BMPR1B: variants seen among roughly 807,000 people sequenced by gnomAD.
BMPR1B encodes the protein bone morphogenetic protein receptor type 1B, also known as bone morphogenetic protein receptor type-1B.
BMPR1B carries 12 observed loss-of-function variants against 59.1 expected under a neutral mutation model. The ratio of observed to expected loss-of-function variants is 0.20; its 90% CI spans 0.13 to 0.33. The LOEUF is 0.33. Ranked by LOEUF, BMPR1B falls within the 10% of genes least tolerant of loss-of-function variation. BMPR1B has a pLI of 1.00. For synonymous variants in BMPR1B, 237 were observed against 207.3 expected, an observed-to-expected ratio of 1.14 and a Z score of -1.23; for missense variants, 550 against 610.9, an observed-to-expected ratio of 0.90 and a Z score of 1.05.
intron 2 of BMPR1B, among the ~76,000 whole-genome samples, chr4:94,884,421 G>A (rs1250262314): frequency 6.6e-6 from 1 of 152,070 alleles, no homozygotes; most frequent in East Asian, 1.9e-4. Flanking sequence ...AGCTGCTTGG[G>A]AGGCTGAGGC....
intron 11 of BMPR1B, 122 bp downstream of exon 11, chr4:95,149,045 C>T: frequency 7.8e-7 from 1 of 1,285,282 alleles, no homozygotes; most frequent in Non-Finnish European, 1.1e-6. Flanking sequence ...CCCTTTATTT[C>T]TGTTGATGCA....
chr4:95,055,719 A>C (rs557878852), intron 3 of BMPR1B, among the ~76,000 whole-genome samples: 1 of 152,328 alleles, frequency 6.6e-6, no homozygotes, highest in East Asian at 1.9e-4. Context: ...TGCCAAGTAC[A>C]GACTGAAATT....
At chr4:94,793,932 G>A (rs1723080934) in intron 1 of BMPR1B, among the ~76,000 whole-genome samples, 1 of 149,374 alleles carries the variant, frequency 6.7e-6, no homozygotes, top group African/African-American at 2.5e-5. Context: ...TTTGTCAGAT[G>A]AGTAGGTTGC....
chr4:94,810,905 G>A (rs572313788), intron 1 of BMPR1B, among the ~76,000 whole-genome samples: 22 of 152,314 alleles, frequency 1.4e-4, no homozygotes, highest in African/African-American at 5.3e-4. Context: ...ATGTGTGCGT[G>A]TGTGCATGTG....
intron 6 of BMPR1B, among the ~76,000 whole-genome samples, chr4:95,118,503 G>A (rs1025707952): frequency 1.3e-5 from 2 of 152,196 alleles, no homozygotes; most frequent in Non-Finnish European, 2.9e-5. Context: ...AGAGGTGATA[G>A]TAGTGACAGA....
At chr4:95,043,497 C>A (rs556286894) in intron 3 of BMPR1B, among the ~76,000 whole-genome samples, 2 of 152,048 alleles carry the variant, frequency 1.3e-5, no homozygotes, top group Admixed American at 6.6e-5. Context: ...TTTTGTAAAC[C>A]TTTGTGTCTA....
At chr4:94,913,327 A>G (rs1728358096) in intron 2 of BMPR1B, among the ~76,000 whole-genome samples, 1 of 152,228 alleles carries the variant, frequency 6.6e-6, no homozygotes, top group Non-Finnish European at 1.5e-5. Flanking sequence ...TAACAGCAAC[A>G]ACAGCAAAAA....
At chr4:94,957,719 A>G (rs1040845732) in intron 2 of BMPR1B, among the ~76,000 whole-genome samples, 6 of 152,124 alleles carry the variant, frequency 3.9e-5, no homozygotes, top group African/African-American at 1.4e-4. Flanking sequence ...TATTTCATCA[A>G]CTCTGAGATC....
chr4:95,028,473 T>C (rs1377917933), intron 3 of BMPR1B, among the ~76,000 whole-genome samples: 1 of 152,274 alleles, frequency 6.6e-6, no homozygotes, highest in Non-Finnish European at 1.5e-5. Flanking sequence ...CAGTGAACCC[T>C]TGAACTTGAA....
chr4:94,930,097 C>T (rs558307382), intron 2 of BMPR1B, among the ~76,000 whole-genome samples: 10 of 152,152 alleles, frequency 6.6e-5, no homozygotes, highest in South Asian at 2.1e-4. Context: ...CGTTTTTCAC[C>T]GGAATCACCA....
At chr4:94,932,988 G>A (rs1303962162) in intron 2 of BMPR1B, among the ~76,000 whole-genome samples, 1 of 152,038 alleles carries the variant, frequency 6.6e-6, no homozygotes, top group Non-Finnish European at 1.5e-5. Context: ...AAAGTAATAT[G>A]TGTGTATAGT....
chr4:95,099,730 C>T (rs1730688564), intron 3 of BMPR1B, among the ~76,000 whole-genome samples: 1 of 152,162 alleles, frequency 6.6e-6, no homozygotes, highest in African/African-American at 2.4e-5. Context: ...TACACCTATA[C>T]CTCTTTTCGT....
chr4:95,117,075 A>G (rs931575979), intron 6 of BMPR1B, among the ~76,000 whole-genome samples: 2 of 152,138 alleles, frequency 1.3e-5, no homozygotes, highest in Non-Finnish European at 2.9e-5. Flanking sequence ...GGCTGGCTCT[A>G]CCTGGGGGAG....
chr4:95,045,162 T>A (rs913078612), intron 3 of BMPR1B, among the ~76,000 whole-genome samples: 4 of 152,182 alleles, frequency 2.6e-5, no homozygotes, highest in Non-Finnish European at 5.9e-5. Flanking sequence ...AGCAGGGATG[T>A]TTACATGGTA....
At chr4:94,823,353 G>A (rs920571836) in intron 1 of BMPR1B, among the ~76,000 whole-genome samples, 2 of 152,168 alleles carry the variant, frequency 1.3e-5, no homozygotes, top group African/African-American at 4.8e-5. Context: ...AGTTAGCTTG[G>A]TTCACTACCA....
At chr4:94,916,856 C>T (rs892343448) in intron 2 of BMPR1B, among the ~76,000 whole-genome samples, 5 of 152,222 alleles carry the variant, frequency 3.3e-5, no homozygotes, top group Non-Finnish European at 7.3e-5. Flanking sequence ...CCCTGGCCAT[C>T]ACAGGCTCAG....
intron 1 of BMPR1B, among the ~76,000 whole-genome samples, chr4:94,797,314 A>G (rs1301891683): frequency 6.6e-6 from 1 of 152,256 alleles, no homozygotes; most frequent in Non-Finnish European, 1.5e-5. Context: ...GGGTGGGGAC[A>G]GAGCCAAACC....
At chr4:94,802,044 TG>T (rs1398484008) in intron 1 of BMPR1B, among the ~76,000 whole-genome samples, 1 of 152,238 alleles carries the variant, frequency 6.6e-6, no homozygotes, top group East Asian at 1.9e-4. Flanking sequence ...GTTGATTAAA[TG>T]CATAGGGTTA....
chr4:94,763,195 TA>T (rs1488557697), intron 1 of BMPR1B, among the ~76,000 whole-genome samples: 1 of 152,090 alleles, frequency 6.6e-6, no homozygotes, highest in Non-Finnish European at 1.5e-5. Flanking sequence ...TGTGTCAGTA[TA>T]AAAAAAGGGA....
Sources: allele counts gnomAD v4.1 joint callset (sites outside exome capture counted in the v4.1 genomes callset), GRCh38; gene constraint gnomAD v4.1.1; transcripts MANE v1.5; gene names NCBI Gene and HGNC (gene_info 2026-07-23, HGNC 2026-07-21).